Variants in MUC6 observed in about 807,000 individuals in gnomAD.
MUC6 encodes mucin-6.
In MUC6, 188 loss-of-function variants were observed where a neutral mutation model predicts 201.5. The observed-to-expected ratio is 0.93, with a 90% CI of 0.83 to 1.05. MUC6 has a LOEUF of 1.05. MUC6 is among the 50% of genes least tolerant of loss of function. The pLI is 0.00. For synonymous variants in MUC6, 1,228 were observed against 1,389.4 expected (o/e 0.88, Z 2.58); for missense variants, 2,706 against 3,256.9 (o/e 0.83, Z 4.12).
chr11:1,020,843 G>T, intron 27 of MUC6, 109 bp from the exon 28 acceptor site: 1 of 1,324,666 alleles, frequency 7.5e-7, no homozygotes, highest in Non-Finnish European at 1.0e-6. Flanking sequence ...AGGCTGTGGT[G>T]GAGGGGACTG....
chr11:1,020,395 C>T (rs1045846037), intron 28 of MUC6, 138 bp from the exon 29 acceptor site: 2 of 1,214,112 alleles, frequency 1.6e-6, no homozygotes, highest in Admixed American at 5.3e-5. Context: ...TGGCCTGTGG[C>T]ACTCTGAGTG....
intron 26 of MUC6, 149 bp from the exon 27 acceptor site, chr11:1,021,426 A>G: frequency 2.1e-6 from 1 of 470,372 alleles, no homozygotes. Context: ...GCTGGAGTGC[A>G]GTGGCACAAT....
In MUC6 at chr11:1,018,253, G is replaced by A. The variant is rs1265057233; in HGVS notation, c.4548C>T (p.Phe1516=). The change falls in exon 31 of 33, where the codon TTC becomes TTT. Residue 1516 remains phenylalanine (F), a synonymous_variant. Coordinates refer to ENST00000421673, the MANE Select transcript of MUC6 (RefSeq NM_005961.3). ...GCGAGGTAGGTGTTTTGTTTGTGCTGAATGAGCTGTGGGCTTGGCTGGTCC... is the reference window on the plus strand; with the variant it reads ...GCGAGGTAGGTGTTTTGTTTGTGCTAAATGAGCTGTGGGCTTGGCTGGTCC... ...TSGTSQAHSS[F]STNKTPTSLH... is the part of the protein sequence containing the mutation. 4 of 1,613,854 alleles carry A rather than the reference G, an allele frequency of 2.5e-6. No homozygotes were observed. The highest frequency in any genetic ancestry group is 3.4e-6 in the Non-Finnish European group (4 of 1,179,738).
chr11:1,030,365 GTCCCACCCCC>G, intron 7 of MUC6, 30 bp from the exon 8 acceptor site: 1 of 1,538,746 alleles, frequency 6.5e-7, no homozygotes, highest in African/African-American at 1.4e-5. Context: ...CGGTGAGAGG[GTCCCACCCCC>G]CCCACCCCTC....
chr11:1,028,716 G>C lies in MUC6; in HGVS notation c.1521C>G (p.Leu507=). 1 of 1,612,158 alleles carries C rather than the reference G, an allele frequency of 6.2e-7. No individual in the cohort carries two copies. Among genetic ancestry groups the C allele is most frequent in the Non-Finnish European group, 8.5e-7 (1 of 1,179,610 alleles). The change falls in exon 13 of 33, where the codon CTC becomes CTG. Residue 507 remains leucine (L), a synonymous_variant. Transcript: ENST00000421673. ...GGAAGATGGGGCGCAGCTGGACCAC[G>C]AGCTCCAGCCCGAAGCTGGTGGCCA... ...LQMATSFGLE[L]VVQLRPIFQA... is the part of the protein sequence containing the mutation.
chr11:1,019,297 T>C lies in MUC6; in HGVS notation c.4008A>G (p.Thr1336=). 2 of 1,614,014 alleles carry C rather than the reference T, an allele frequency of 1.2e-6. No homozygotes were observed. Among genetic ancestry groups the C allele is most frequent in the Non-Finnish European group, 1.7e-6 (2 of 1,179,898 alleles). ...RTTMTLPTPA[T]SGTSPTLPKS... Reference sequence around the variant, plus strand: ...TACGCAGCGTGGGGCTTGTCCCTGATGTGGCTGGGGTTGGTAGTGTCATTG... The same window carrying C: ...TACGCAGCGTGGGGCTTGTCCCTGACGTGGCTGGGGTTGGTAGTGTCATTG... Residue 1336 remains threonine (T), a synonymous_variant, in exon 30 of 33, where the codon ACA becomes ACG. Transcript: ENST00000421673.
intron 24 of MUC6, 27 bp from the exon 25 acceptor site, chr11:1,024,130 CTGGCTGCCGG>C: frequency 6.2e-7 from 1 of 1,600,940 alleles, no homozygotes. Flanking sequence ...CAGTCAGTGT[CTGGCTGCCGG>C]GGGATGGCGG....
chr11:1,031,254 C>T lies in MUC6; in HGVS notation c.489G>A (p.Leu163=). 1 of 1,569,130 alleles carries T rather than the reference C, an allele frequency of 6.4e-7. No homozygotes were observed. Among genetic ancestry groups the T allele is most frequent in the South Asian group, 1.2e-5 (1 of 84,858 alleles). ...TCTGACCCATGTACTTCCGCTCCAC[C>T]AGAACCTGCGGGAGACGGCTCTGCT... ...VWGPDSHLMV[L]VERKYMGQMC... The change falls in exon 5 of 33, where the codon CTG becomes CTA. Residue 163 remains leucine, a synonymous_variant. Transcript: ENST00000421673.
chr11:1,023,708 A>G, intron 25 of MUC6, 56 bp from the exon 26 acceptor site: 2 of 1,588,748 alleles, frequency 1.3e-6, no homozygotes, highest in Admixed American at 3.4e-5. Flanking sequence ...CCTGGCCCTG[A>G]CCCGGTGGTT....
chr11:1,025,011 C>T lies in MUC6; in HGVS notation c.3058G>A (p.Val1020Met), dbSNP rs758487393. 1.2e-5 allele frequency: 20 copies of T among 1,612,996 alleles called. No homozygotes were observed. The highest frequency in any genetic ancestry group is 4.5e-5 in the East Asian group (2 of 44,890). The change falls in exon 24 of 33, where the codon GTG becomes ATG. Residue 1020 changes from valine (V) to methionine (M), a missense_variant. Physicochemically the swap from Val to Met is conservative, Grantham distance 21. Transcript: ENST00000421673. ...ACCAACTCCAGCTCGCTGGATGCCA[C>T]GTACCTGCTGCGCGTCTCGAAGTCG... The part of the protein sequence containing the change: ...KDDFETRSRY[V>M]ASSELELVNS...
rs777437375 is a variant in MUC6, at chr11:1,025,213, G to GTCATGTGCCTGTTCCAGA, written c.2936_2953dup (p.Ile979_Met984dup). On this transcript the variant is annotated inframe_insertion, in exon 23 of 33. Transcript: ENST00000421673. ...GGCACGGGCGATCCTGATGAGGATG[G>GTCATGTGCCTGTTCCAGA]TCATGTGCCTGTTCCAGATGAGCGT... 31 of 1,612,666 alleles carry GTCATGTGCCTGTTCCAGA rather than the reference G, an allele frequency of 1.9e-5. No homozygotes were observed. The highest frequency in any genetic ancestry group is 2.6e-5 in the Non-Finnish European group (31 of 1,179,802).
In MUC6 at chr11:1,032,025, C is replaced by G; in HGVS notation, c.144G>C (p.Trp48Cys). The G allele has an allele frequency of 6.2e-7, 1 of 1,613,418 alleles. No homozygotes were observed. The highest frequency in any genetic ancestry group is 8.5e-7 in the Non-Finnish European group (1 of 1,179,872). The part of the protein sequence containing the change: ...TAPDKGQCST[W>C]GAGHFSTFDH... ...CGAAGGTGGAGAAGTGACCAGCCCC[C>G]CACGTGGAGCACTGGCCTTTGTCCG... The change falls in exon 3 of 33, where the codon TGG (tryptophan) becomes TGC (cysteine). Residue 48 changes from tryptophan (W) to cysteine (C), a missense_variant. By Grantham distance (215) the Trp-to-Cys change is radical (BLOSUM62 -2). This residue lies in a region of MUC6 where 1,850 missense variants were observed against 1,958.3 expected (regional missense o/e 0.94). Coordinates refer to ENST00000421673, the MANE Select transcript of MUC6 (RefSeq NM_005961.3).
At chr11:1,023,442 A>G (rs1856871778) in intron 26 of MUC6, 67 bp downstream of exon 26, 2 of 1,506,552 alleles carry the variant, frequency 1.3e-6, no homozygotes, top group Admixed American at 4.1e-5. Context: ...GTGTGAATGA[A>G]TGAATGTGCA....
Position 1,016,122 on chromosome 11 carries a change from G to C in MUC6, c.6679C>G (p.Pro2227Ala). ...SSPFTLSALL[P>A]ISTVTVSPTP... ...GGAGACACGGTAACAGTGGATATGG[G>C]GAGTAGAGCAGAGAGGGTGAAAGGA... The change falls in exon 31 of 33, where the codon CCC becomes GCC. Residue 2227 changes from proline (P) to alanine (A), a missense_variant. This residue lies in a region of MUC6 where 586 missense variants were observed against 488.0 expected (regional missense o/e 1.20). Transcript: ENST00000421673. 6.2e-7 allele frequency: 1 copy of C among 1,613,736 alleles called. No homozygotes were observed. Among genetic ancestry groups the C allele is most frequent in the Non-Finnish European group, 8.5e-7 (1 of 1,179,800 alleles).
rs749442034 is a variant in MUC6, at chr11:1,015,925, C to A, written c.6876G>T (p.Val2292=). Reference sequence around the variant, plus strand: ...TGACTGGAGAGGTGGGGATACCCGTCACCCCCGAGGTGAGTGACACAAAGC... The same window carrying A: ...TGACTGGAGAGGTGGGGATACCCGTAACCCCCGAGGTGAGTGACACAAAGC... ...TSGFVSLTSG[V]TGIPTSPVTN... Residue 2292 remains valine (V), a synonymous_variant, in exon 31 of 33, where the codon GTG becomes GTT. Transcript: ENST00000421673. 1.2e-6 allele frequency: 2 copies of A among 1,601,150 alleles called. No individual in the cohort carries two copies. Among genetic ancestry groups the A allele is most frequent in the Admixed American group, 1.7e-5 (1 of 59,294 alleles).
In MUC6 at chr11:1,031,637, T is replaced by TTCCAGC. The variant is rs891755271; in HGVS notation, c.447_452dup (p.Leu150_Glu151dup). ...GGTGGCTGTCAGGACCCCACACGAC[T>TTCCAGC]TCCAGCTCCAGCTCCAGCTGCTTGG... On this transcript the variant is annotated inframe_insertion, in exon 4 of 33. Transcript: ENST00000421673. 8 of 1,549,918 alleles carry TTCCAGC rather than the reference T, an allele frequency of 5.2e-6. No individual in the cohort carries two copies. The highest frequency in any genetic ancestry group is 6.1e-6 in the Non-Finnish European group (7 of 1,147,064).
Position 1,027,319 on chromosome 11 carries a change from C to G in MUC6, c.2180G>C (p.Gly727Ala), listed in dbSNP as rs373048568. The G allele has an allele frequency of 6.2e-7, 1 of 1,612,956 alleles. No individual in the cohort carries two copies. The highest frequency in any genetic ancestry group is 8.5e-7 in the Non-Finnish European group (1 of 1,179,842). Residue 727 changes from glycine to alanine, a missense_variant, in exon 17 of 33, where the codon GGT becomes GCT. Gly to Ala is a moderately conservative substitution (Grantham distance 60). Coordinates refer to ENST00000421673, the MANE Select transcript of MUC6 (RefSeq NM_005961.3). ...RKAQCPCILE[G>A]YKFILAEQST... is the part of the protein sequence containing the mutation. ...CTGCTCGGCCAGGATGAACTTGTAA[C>G]CCTCCAGTATGCACGGGCACTGGGC...
At chr11:1,028,995 C>T (rs756935978) in intron 11 of MUC6, 34 bp from the exon 12 acceptor site, 1 of 1,612,944 alleles carries the variant, frequency 6.2e-7, no homozygotes, top group Non-Finnish European at 8.5e-7. Flanking sequence ...AGGGTGCAGG[C>T]ACCAGGGAGC....
At position 1,025,792 on chromosome 11, in the gene MUC6, C is replaced by G. The variant is rs1856942129; in HGVS notation, c.2799+13G>C. The G allele has an allele frequency of 4.4e-6, 7 of 1,605,260 alleles. No individual in the cohort carries two copies. Among genetic ancestry groups the G allele is most frequent in the East Asian group, 2.2e-5 (1 of 44,616 alleles). On this transcript the variant is annotated intron_variant, in intron 22 of 32. Transcript: ENST00000421673. Reference sequence around the variant, plus strand: ...GCCCGTCCTGCCCTGCCAGAGTCTGCCCGGCTGCTCACCCCCAGGAAGATC... The same window carrying G: ...GCCCGTCCTGCCCTGCCAGAGTCTGGCCGGCTGCTCACCCCCAGGAAGATC...
Sources: gnomAD v4.1 joint callset for allele counts on GRCh38, gnomAD v4.1.1 for gene constraint, gnomAD v4.1.1 regional missense constraint, MANE v1.5 for transcripts, NCBI Gene and HGNC (gene_info 2026-07-23, HGNC 2026-07-21) for gene names.